The following NAV2 variants were observed in gnomAD, a reference collection of about 807,000 sequenced individuals.
NAV2 encodes helicase, APC down-regulated 1.
In NAV2, 54 loss-of-function variants were observed where a neutral mutation model predicts 223.2. That is an observed-to-expected ratio of 0.24 (90% CI 0.19 to 0.30). NAV2 has a LOEUF of 0.30. Among genes scored for constraint, NAV2 ranks in the 10% least tolerant of loss-of-function variants. NAV2 has a pLI of 1.00. For synonymous variants in NAV2, 1,279 were observed against 1,239.3 expected (o/e 1.03, Z -0.67); for missense variants, 2,806 against 3,147.5 (o/e 0.89, Z 2.60).
chr11:19,802,649 G>C (rs2058337461), intron 1 of NAV2, among the ~76,000 whole-genome samples: 1 of 150,938 alleles, frequency 6.6e-6, no homozygotes, highest in South Asian at 2.1e-4. Context: ...GTTTGAGGCT[G>C]CAGTGAGCTA....
In NAV2 at chr11:19,401,552, C is replaced by G. The variant is rs1034350917; in HGVS notation, c.75+50525C>G. On this transcript the variant is annotated intron_variant, in intron 1 of 37. Coordinates refer to the NAV2 transcript ENST00000360655. Reference sequence around the variant, plus strand: ...GAGCGAGACAGGGATATGTCTGGATCTTCAATGTACAGAACGATGCAGTTG... The same window carrying G: ...GAGCGAGACAGGGATATGTCTGGATGTTCAATGTACAGAACGATGCAGTTG... Among the ~76,000 whole-genome samples the G allele has an allele frequency of 4.6e-5, 7 of 152,162 alleles. No homozygotes were observed. In the South Asian group the frequency reaches 8.3e-4, roughly 18 times the overall value.
intron 1 of NAV2, among the ~76,000 whole-genome samples, chr11:19,485,785 A>T (rs1298874215): frequency 6.6e-6 from 1 of 151,968 alleles, no homozygotes; most frequent in East Asian, 1.9e-4. Context: ...AGACCAGGGG[A>T]TGGATCCGAG....
intron 1 of NAV2, among the ~76,000 whole-genome samples, chr11:19,682,787 C>T (rs73426637): frequency 2.0e-5 from 3 of 152,122 alleles, no homozygotes; most frequent in Non-Finnish European, 2.9e-5. Context: ...AGGAGTATGA[C>T]GCTAAGCCGT....
At chr11:19,758,043 C>T (rs879671572) in intron 1 of NAV2, among the ~76,000 whole-genome samples, 1 of 152,138 alleles carries the variant, frequency 6.6e-6, no homozygotes, top group Non-Finnish European at 1.5e-5. Context: ...CTCACAGCAG[C>T]ATCATAATAT....
At chr11:19,381,556 AG>A (rs764516292) in intron 1 of NAV2, among the ~76,000 whole-genome samples, 8 of 152,190 alleles carry the variant, frequency 5.3e-5, no homozygotes, top group Non-Finnish European at 8.8e-5. Context: ...GAAGTGTGGT[AG>A]CTCAGGGCCA....
chr11:19,598,359 T>C (rs1261484448), intron 1 of NAV2, among the ~76,000 whole-genome samples: 1 of 152,246 alleles, frequency 6.6e-6, no homozygotes, highest in East Asian at 1.9e-4. Context: ...AGACGGTCAC[T>C]GTGCTTTGTT....
At chr11:19,632,177 A>C (rs1160436295) in intron 1 of NAV2, among the ~76,000 whole-genome samples, 5 of 152,222 alleles carry the variant, frequency 3.3e-5, no homozygotes, top group Admixed American at 3.3e-4. Flanking sequence ...GATCAGTGAG[A>C]GCACACCCCC....
At chr11:19,777,703 A>G (rs1455189547) in intron 1 of NAV2, 3 of 398,278 alleles carry the variant, frequency 7.5e-6, no homozygotes, top group East Asian at 7.3e-5. Flanking sequence ...TTAAACCAGG[A>G]AAGTCGATGT....
chr11:19,689,447 T>G (rs2049106900), intron 1 of NAV2, among the ~76,000 whole-genome samples: 1 of 152,140 alleles, frequency 6.6e-6, no homozygotes, highest in Non-Finnish European at 1.5e-5. Flanking sequence ...AAGACATCAC[T>G]GGGGGCCAAG....
chr11:19,676,287 A>G (rs1312368732), intron 1 of NAV2, among the ~76,000 whole-genome samples: 1 of 151,558 alleles, frequency 6.6e-6, no homozygotes, highest in Admixed American at 6.6e-5. Context: ...TCTTGGGTTC[A>G]TAACTGGCTC....
chr11:20,115,410 G>A (rs917882356), intron 37 of NAV2, among the ~76,000 whole-genome samples: 2 of 152,074 alleles, frequency 1.3e-5, no homozygotes, highest in South Asian at 2.1e-4. Context: ...CAAGGCGGGT[G>A]GATCGAGGTC....
chr11:19,579,390 T>C (rs2045652826), intron 1 of NAV2, among the ~76,000 whole-genome samples: 2 of 152,188 alleles, frequency 1.3e-5, no homozygotes, highest in South Asian at 4.1e-4. Context: ...AAGCCCTTCC[T>C]TGGTCTTCGT....
At chr11:20,062,257 G>C in intron 19 of NAV2, 50 bp from the exon 20 acceptor site, 1 of 1,395,642 alleles carries the variant, frequency 7.2e-7, no homozygotes, top group Non-Finnish European at 1.0e-6. Flanking sequence ...TCCCCTTTTT[G>C]GTTCCATAAC....
chr11:19,884,487 C>T (rs1442783453), intron 5 of NAV2: 1 of 762,060 alleles, frequency 1.3e-6, no homozygotes, highest in Non-Finnish European at 2.2e-6. Context: ...TTCGAGAAAA[C>T]TAAATGTGCT....
intron 1 of NAV2, among the ~76,000 whole-genome samples, chr11:19,739,035 G>T (rs1015256234): frequency 8.5e-5 from 13 of 152,260 alleles, no homozygotes; most frequent in Non-Finnish European, 1.6e-4. Context: ...ACAAAAATTA[G>T]CTGGGCATAG....
intron 22 of NAV2, among the ~76,000 whole-genome samples, chr11:20,069,595 G>T (rs1053232595): frequency 1.3e-5 from 2 of 152,140 alleles, no homozygotes; most frequent in Non-Finnish European, 2.9e-5. Context: ...GAAGGATGAA[G>T]CTCAGAGGGC....
chr11:19,858,339 C>G (rs866458560), intron 3 of NAV2, among the ~76,000 whole-genome samples: 4 of 152,344 alleles, frequency 2.6e-5, no homozygotes, highest in Middle Eastern at 3.4e-3. Flanking sequence ...ATTATTTCAC[C>G]TAGCATAATG....
chr11:20,008,283 A>G (rs1176772337), intron 11 of NAV2, among the ~76,000 whole-genome samples: 2 of 152,048 alleles, frequency 1.3e-5, no homozygotes, highest in East Asian at 1.9e-4. Context: ...AGGAGAATCC[A>G]TGAGGCCGAG....
chr11:19,513,161 G>T (rs1389493821), intron 1 of NAV2, among the ~76,000 whole-genome samples: 1 of 152,126 alleles, frequency 6.6e-6, no homozygotes, highest in Non-Finnish European at 1.5e-5. Flanking sequence ...CTGCAGCAAT[G>T]GTGATGTTAT....
Sources: gnomAD v4.1 joint callset for allele counts (sites outside exome capture counted in the v4.1 genomes callset) on GRCh38, gnomAD v4.1.1 for gene constraint, MANE v1.5 for transcripts, NCBI Gene and HGNC (gene_info 2026-07-23, HGNC 2026-07-21) for gene names.